TMTC1: variants seen among roughly 807,000 people sequenced by gnomAD.
TMTC1 encodes the protein transmembrane O-mannosyltransferase targeting cadherins 1.
In TMTC1, 73 loss-of-function variants were observed where a neutral mutation model predicts 104.8. The observed-to-expected ratio is 0.70, with a 90% confidence interval of 0.58 to 0.85. TMTC1 has a LOEUF of 0.85. Ranked by LOEUF, TMTC1 falls within the 40% of genes least tolerant of loss-of-function variation. The probability of loss-of-function intolerance (pLI) is 0.00; values close to 1 mark genes in which losing one functional copy is unlikely to be tolerated. For synonymous variants in TMTC1, 434 were observed against 428.7 expected (o/e 1.01, Z -0.15); for missense variants, 1,035 against 1,096.1 (o/e 0.94, Z 0.79).
At chr12:29,660,281 C>T (rs1292322156) in intron 5 of TMTC1, among the ~76,000 whole-genome samples, 3 of 152,190 alleles carry the variant, frequency 2.0e-5, no homozygotes, top group South Asian at 2.1e-4. Context: ...GAGAGGCCCT[C>T]GGGGATGAGA....
chr12:29,592,689 T>A (rs1946312205), intron 7 of TMTC1, among the ~76,000 whole-genome samples: 1 of 152,214 alleles, frequency 6.6e-6, no homozygotes, highest in Non-Finnish European at 1.5e-5. Context: ...GACACTGTTG[T>A]TTGATCCTGG....
At chr12:29,581,281 A>C (rs1945972653) in intron 8 of TMTC1, among the ~76,000 whole-genome samples, 1 of 152,228 alleles carries the variant, frequency 6.6e-6, no homozygotes. Flanking sequence ...TGAAGGAAAA[A>C]GAACAGTCTT....
chr12:29,553,711 C>T (rs1043514759), intron 10 of TMTC1, among the ~76,000 whole-genome samples: 2 of 152,194 alleles, frequency 1.3e-5, no homozygotes, highest in African/African-American at 4.8e-5. Context: ...TACCCAATAA[C>T]TCCTCTTACT....
At chr12:29,642,692 G>C (rs1591845120) in intron 5 of TMTC1, among the ~76,000 whole-genome samples, 1 of 152,070 alleles carries the variant, frequency 6.6e-6, no homozygotes, top group East Asian at 1.9e-4. Context: ...TTGGGAGGCC[G>C]AGGTGGGTGG....
chr12:29,767,849 C>T, intron 2 of TMTC1, 49 bp downstream of exon 2: 1 of 1,530,626 alleles, frequency 6.5e-7, no homozygotes. Context: ...TACACGTATA[C>T]ATACACACAT....
intron 11 of TMTC1, among the ~76,000 whole-genome samples, chr12:29,527,526 C>G (rs1056743545): frequency 6.6e-6 from 1 of 152,226 alleles, no homozygotes; most frequent in African/African-American, 2.4e-5. Context: ...GCATTGGTCA[C>G]TATTTACTTC....
At chr12:29,765,065 G>A (rs975320929) in intron 2 of TMTC1, among the ~76,000 whole-genome samples, 2 of 152,084 alleles carry the variant, frequency 1.3e-5, no homozygotes, top group African/African-American at 4.8e-5. Context: ...ATAAAATGCT[G>A]TCTATGGTTT....
chr12:29,581,544 C>T (rs159696), intron 8 of TMTC1, among the ~76,000 whole-genome samples: 97,611 of 151,926 alleles, frequency 0.64, 31,733 homozygotes, highest in South Asian at 0.73. Context: ...GGATGCAAGG[C>T]CAATCAGCTA....
chr12:29,731,949 T>C (rs1942555436), intron 5 of TMTC1, among the ~76,000 whole-genome samples: 1 of 152,208 alleles, frequency 6.6e-6, no homozygotes, highest in Non-Finnish European at 1.5e-5. Flanking sequence ...CCCATTCCTA[T>C]AAACAAAGAT....
At chr12:29,520,933 T>C (rs1207414852) in intron 11 of TMTC1, 1 of 506,368 alleles carries the variant, frequency 2.0e-6, no homozygotes, top group Non-Finnish European at 3.5e-6. Context: ...CTGTATTTAG[T>C]TCCCTTAGGG....
chr12:29,684,408 T>C (rs1324436997), intron 5 of TMTC1, among the ~76,000 whole-genome samples: 1 of 152,162 alleles, frequency 6.6e-6, no homozygotes, highest in Non-Finnish European at 1.5e-5. Flanking sequence ...GTTTATCTCA[T>C]TTGACTATAT....
rs1299515407 is a variant in TMTC1 at position 29,557,000 on chromosome 12, C to T, written c.1533G>A (p.Lys511=). ...GCGCACTTGCATGGCGTGGATACAA[C>T]CTGAAAAGTTAAAAATATTAAGCTG... ...EAIYHYRTAL[K]LYPRHASALN... The change falls in exon 10 of 18, where the codon AAG becomes AAA. Residue 511 remains lysine (K), a splice_region_variant and synonymous_variant. Coordinates refer to ENST00000539277, the MANE Select transcript of TMTC1 (RefSeq NM_001193451.2). The T allele has an allele frequency of 3.7e-6, 6 of 1,613,634 alleles. No homozygotes were observed. The highest frequency in any genetic ancestry group is 1.7e-5 in the Admixed American group (1 of 59,916).
intron 10 of TMTC1, among the ~76,000 whole-genome samples, chr12:29,551,179 G>A (rs1021840620): frequency 9.2e-5 from 14 of 152,014 alleles, no homozygotes; most frequent in Admixed American, 4.6e-4. Flanking sequence ...TGGTAGTAAG[G>A]GTGTTAAAAA....
chr12:29,543,746 T>C (rs933749417), intron 10 of TMTC1, among the ~76,000 whole-genome samples: 1 of 152,218 alleles, frequency 6.6e-6, no homozygotes. Context: ...CTATCTTTCC[T>C]GTACAGAAAG....
At chr12:29,704,533 T>C (rs1341169468) in intron 5 of TMTC1, among the ~76,000 whole-genome samples, 2 of 152,306 alleles carry the variant, frequency 1.3e-5, no homozygotes, top group East Asian at 1.9e-4. Flanking sequence ...CTATGATGAG[T>C]GGCAATCAAA....
At chr12:29,611,179 T>TC (rs1423267030) in intron 6 of TMTC1, among the ~76,000 whole-genome samples, 3 of 147,996 alleles carry the variant, frequency 2.0e-5, no homozygotes, top group African/African-American at 7.5e-5. Flanking sequence ...CTGAACTTCT[T>TC]TTTTTTTTTT....
At chr12:29,609,420 C>T (rs935763815) in intron 6 of TMTC1, among the ~76,000 whole-genome samples, 13 of 152,304 alleles carry the variant, frequency 8.5e-5, no homozygotes, top group East Asian at 1.9e-4. Flanking sequence ...TGTTAGACTA[C>T]GGATTCCTTG....
At position 29,604,183 on chromosome 12, in the gene TMTC1, C is replaced by T. The variant is rs1392797419; in HGVS notation, c.1245G>A (p.Met415Ile). ...AAGTCACGTGCAATAGTTACCTAGG[C>T]ATGTAAAGGACTCTCTCCGCCACCA... ...GFVVAERVLY[M>I]PSMGYCILFV... Residue 415 changes from methionine (M) to isoleucine (I), a missense_variant, in exon 7 of 18, where the codon ATG becomes ATA. By Grantham distance (10) the Met-to-Ile change is conservative (BLOSUM62 1). Transcript: ENST00000539277. The T allele has an allele frequency of 1.9e-6, 3 of 1,613,470 alleles. No homozygotes were observed. Among genetic ancestry groups the T allele is most frequent in the African/African-American group, 2.7e-5 (2 of 74,896 alleles).
intron 7 of TMTC1, among the ~76,000 whole-genome samples, chr12:29,589,378 CT>C (rs1371659810): frequency 6.6e-6 from 1 of 152,148 alleles, no homozygotes; most frequent in East Asian, 1.9e-4. Flanking sequence ...GGCTCAGATA[CT>C]TTTTGGTTTC....
Sources: allele counts gnomAD v4.1 joint callset (sites outside exome capture counted in the v4.1 genomes callset), GRCh38; gene constraint gnomAD v4.1.1; transcripts MANE v1.5; gene names NCBI Gene and HGNC (gene_info 2026-07-23, HGNC 2026-07-21).